The following DIAPH3 variants were observed in gnomAD, a reference collection of about 807,000 sequenced individuals.
DIAPH3 encodes the protein diaphanous related formin 3, also known as protein diaphanous homolog 3.
Under a neutral mutation model 144.3 loss-of-function variants are expected in DIAPH3, and 117 were observed. The ratio of observed to expected loss-of-function variants is 0.81; its 90% CI spans 0.70 to 0.95. The LOEUF (loss-of-function observed/expected upper bound fraction) is 0.95, where lower values mean the gene tolerates loss of function less well. Among genes scored for constraint, DIAPH3 ranks in the 40% least tolerant of loss-of-function variants. The pLI is 0.00. For synonymous variants in DIAPH3, 519 were observed against 488.9 expected (o/e 1.06, Z -0.81); for missense variants, 1,421 against 1,412.7 (o/e 1.01, Z -0.09).
At chr13:59,674,376 C>G (rs1261833029) in intron 27 of DIAPH3, among the ~76,000 whole-genome samples, 1 of 152,142 alleles carries the variant, frequency 6.6e-6, no homozygotes, top group Non-Finnish European at 1.5e-5. Context: ...GAGCCAGAGA[C>G]AGAACTAAGT....
chr13:60,083,029 T>C (rs1296638104), intron 4 of DIAPH3, among the ~76,000 whole-genome samples: 1 of 152,030 alleles, frequency 6.6e-6, no homozygotes, highest in East Asian at 1.9e-4. Flanking sequence ...GGCCCTCAGC[T>C]TGTAAACTTT....
intron 27 of DIAPH3, among the ~76,000 whole-genome samples, chr13:59,745,073 A>G (rs1162608054): frequency 6.6e-6 from 1 of 152,200 alleles, no homozygotes; most frequent in Non-Finnish European, 1.5e-5. Context: ...CTTTCATGAG[A>G]ACAACTTTAG....
chr13:59,925,419 G>C (rs914041572), intron 17 of DIAPH3, among the ~76,000 whole-genome samples: 1 of 152,066 alleles, frequency 6.6e-6, no homozygotes, highest in Admixed American at 6.6e-5. Context: ...TGATCATACT[G>C]TATTATCTTC....
At chr13:60,115,742 T>C (rs949654254) in intron 2 of DIAPH3, among the ~76,000 whole-genome samples, 1 of 152,160 alleles carries the variant, frequency 6.6e-6, no homozygotes, top group African/African-American at 2.4e-5. Context: ...ATTATTTAAA[T>C]ATATTCAAGA....
At chr13:59,749,449 G>C (rs922038140) in intron 27 of DIAPH3, among the ~76,000 whole-genome samples, 2 of 148,682 alleles carry the variant, frequency 1.3e-5, no homozygotes, top group African/African-American at 2.5e-5. Flanking sequence ...GAACCCGGGA[G>C]GTGGAGCTTG....
intron 20 of DIAPH3, among the ~76,000 whole-genome samples, chr13:59,891,493 C>A (rs1434987681): frequency 6.6e-6 from 1 of 150,826 alleles, no homozygotes. Context: ...ATAAAATGCC[C>A]CCACTTTTTA....
chr13:59,862,281 A>G (rs1470958868), intron 21 of DIAPH3, among the ~76,000 whole-genome samples: 1 of 152,174 alleles, frequency 6.6e-6, no homozygotes, highest in African/African-American at 2.4e-5. Context: ...AAATAAAAGG[A>G]AAGATAATGG....
intron 27 of DIAPH3, among the ~76,000 whole-genome samples, chr13:59,767,331 C>G (rs1455961231): frequency 1.3e-5 from 2 of 152,056 alleles, no homozygotes; most frequent in Non-Finnish European, 2.9e-5. Context: ...AAATGGCTTC[C>G]CTTTTAAGTA....
At chr13:59,971,345 CT>C (rs551037935) in intron 15 of DIAPH3, among the ~76,000 whole-genome samples, 185 bp from the exon 16 acceptor site, 6 of 151,942 alleles carry the variant, frequency 3.9e-5, no homozygotes, top group African/African-American at 4.8e-5. Flanking sequence ...ATAATTATAG[CT>C]TTTTTTCCCT....
intron 1 of DIAPH3, among the ~76,000 whole-genome samples, chr13:60,152,367 C>T (rs1951828133): frequency 6.6e-6 from 1 of 152,034 alleles, no homozygotes; most frequent in African/African-American, 2.4e-5. Context: ...ACACTTGGTA[C>T]ATTAATTCAT....
intron 27 of DIAPH3, among the ~76,000 whole-genome samples, chr13:59,730,903 G>C (rs1327679189): frequency 6.6e-6 from 1 of 152,086 alleles, no homozygotes. Context: ...ATTGCTGTCA[G>C]CATATAATCC....
intron 5 of DIAPH3, among the ~76,000 whole-genome samples, chr13:60,028,275 T>G (rs533096055): frequency 6.6e-6 from 1 of 152,100 alleles, no homozygotes; most frequent in East Asian, 1.9e-4. Flanking sequence ...TGCCATCCAT[T>G]CACTCAATCT....
At chr13:60,156,260 AATCCAG>A (rs988160659) in intron 1 of DIAPH3, among the ~76,000 whole-genome samples, 16 of 152,218 alleles carry the variant, frequency 1.1e-4, no homozygotes, top group Non-Finnish European at 1.6e-4. Context: ...CCACTGTGAT[AATCCAG>A]AATAATCTCA....
chr13:59,798,413 T>G lies in DIAPH3; in HGVS notation c.3163+12375A>C, dbSNP rs1451543770. Among the ~76,000 whole-genome samples, 3 of 152,222 alleles carry G rather than the reference T, an allele frequency of 2.0e-5. No homozygotes were observed. The East Asian group carries it at 5.8e-4, about 29-fold the overall frequency. ...AATTTAGCATCATTTCTGCCCATAG[T>G]TCTACCCAAAGATCAATCAGGCCTG... On this transcript the variant is annotated intron_variant, in intron 25 of 27. Transcript: ENST00000400324.
At chr13:59,906,912 T>C (rs981894048) in intron 20 of DIAPH3, among the ~76,000 whole-genome samples, 9 of 152,304 alleles carry the variant, frequency 5.9e-5, no homozygotes, top group Non-Finnish European at 8.8e-5. Context: ...ACACAGTGAT[T>C]TTACCTAATA....
chr13:59,903,386 A>G lies in DIAPH3; in HGVS notation c.2367+8349T>C, dbSNP rs147469121. ...GGTCAATGTTTTTTATAAGTGTTTC[A>G]GTAAGCCATGATTCTTATACCAAAT... On this transcript the variant is annotated intron_variant, in intron 20 of 27. Coordinates refer to ENST00000400324, the MANE Select transcript of DIAPH3 (RefSeq NM_001042517.2). Among the ~76,000 whole-genome samples, 141 of 152,310 alleles carry G rather than the reference A, an allele frequency of 9.3e-4. 2 individuals are homozygous for G. Among genetic ancestry groups the G allele is most frequent in the African/African-American group, 3.3e-3 (138 of 41,562 alleles).
intron 14 of DIAPH3, among the ~76,000 whole-genome samples, chr13:59,979,460 T>C (rs1277978522): frequency 6.6e-6 from 1 of 151,528 alleles, no homozygotes; most frequent in African/African-American, 2.4e-5. Context: ...TGAGACTAAA[T>C]TTAAATGATC....
chr13:59,772,286 T>C (rs1424251375), intron 27 of DIAPH3, among the ~76,000 whole-genome samples: 1 of 152,062 alleles, frequency 6.6e-6, no homozygotes, highest in Non-Finnish European at 1.5e-5. Flanking sequence ...TACACACAAT[T>C]CTTAAGATAA....
At chr13:60,052,817 C>A (rs2056399895) in intron 4 of DIAPH3, among the ~76,000 whole-genome samples, 1 of 151,332 alleles carries the variant, frequency 6.6e-6, no homozygotes, top group African/African-American at 2.4e-5. Context: ...AAAAATTAGC[C>A]AGGTTTGGTA....
Sources: allele counts gnomAD v4.1 joint callset (sites outside exome capture counted in the v4.1 genomes callset), GRCh38; gene constraint gnomAD v4.1.1; transcripts MANE v1.5; gene names NCBI Gene and HGNC (gene_info 2026-07-23, HGNC 2026-07-21).